OPTC: variants seen among roughly 807,000 people sequenced by gnomAD.
OPTC encodes opticin, also known as oculoglycan.
In OPTC, 22 loss-of-function variants were observed where a neutral mutation model predicts 25.4. That is an observed-to-expected ratio of 0.87 (90% CI 0.62 to 1.24). OPTC has a LOEUF of 1.24. OPTC is among the 50% of genes most tolerant of loss of function. The probability of loss-of-function intolerance (pLI) is 0.00; values close to 1 mark genes in which losing one functional copy is unlikely to be tolerated. For missense variants in OPTC, 417 were observed against 425.2 expected, an observed-to-expected ratio of 0.98 and a Z score of 0.17; for synonymous variants, 169 against 179.3, an observed-to-expected ratio of 0.94 and a Z score of 0.46.
At position 203,496,021 on chromosome 1, in the gene OPTC, T is replaced by C. The variant is rs1241483495; in HGVS notation, c.16T>C (p.Phe6Leu). The C allele has an allele frequency of 6.2e-7, 1 of 1,612,966 alleles. No individual in the cohort carries two copies. ...CTGACTCCCCATGAGGCTCCTGGCT[T>C]TCCTGAGTCTGCTGGCCTTGGTGCT... Reference protein sequence around the residue: MRLLAFLSLLALVLQE... With the variant: MRLLALLSLLALVLQE... The change falls in exon 2 of 8, where the codon TTC (phenylalanine) becomes CTC (leucine). Residue 6 changes from phenylalanine (F) to leucine (L), a missense_variant. Transcript: ENST00000367222.
Position 203,495,979 on chromosome 1 carries a change from G to A in OPTC, c.-27G>A, listed in dbSNP as rs1433465786. ...CCACTTGCCAGGACCAGCCGCTGAAGGGATTCTCAGTCCCATCTGACTCCC... is the reference window on the plus strand; with the variant it reads ...CCACTTGCCAGGACCAGCCGCTGAAAGGATTCTCAGTCCCATCTGACTCCC... On this transcript the variant is annotated 5_prime_UTR_variant, in exon 2 of 8. Transcript: ENST00000367222. 1 of 1,542,934 alleles carries A rather than the reference G, an allele frequency of 6.5e-7. No individual in the cohort carries two copies. Among genetic ancestry groups the A allele is most frequent in the Non-Finnish European group, 8.9e-7 (1 of 1,123,652 alleles).
intron 5 of OPTC, among the ~76,000 whole-genome samples, chr1:203,502,597 C>T (rs1661408301): frequency 6.6e-6 from 1 of 152,148 alleles, no homozygotes; most frequent in Non-Finnish European, 1.5e-5. Context: ...GTCCCCTGGT[C>T]CTCCCTTCTA....
chr1:203,505,054 G>A (rs577269469), intron 7 of OPTC, among the ~76,000 whole-genome samples: 64 of 152,304 alleles, frequency 4.2e-4, no homozygotes, highest in South Asian at 3.5e-3. Flanking sequence ...CTTTGGGCAA[G>A]GGGTATGTGA....
At chr1:203,503,115 G>A in intron 6 of OPTC, 106 bp downstream of exon 6, 1 of 852,900 alleles carries the variant, frequency 1.2e-6, no homozygotes, top group Admixed American at 2.0e-5. Context: ...AGGCAGCTGT[G>A]GGGTCTCCTT....
rs777660549 is a variant in OPTC at position 203,499,752 on chromosome 1, C to A, written c.633C>A (p.Asn211Lys). 2 of 1,612,978 alleles carry A rather than the reference C, an allele frequency of 1.2e-6. No individual in the cohort carries two copies. Among genetic ancestry groups the A allele is most frequent in the African/African-American group, 2.7e-5 (2 of 74,820 alleles). ...HALQDLILPE[N>K]QLEALPVLPS... ...TCCAGGACCTCATCCTCCCAGAGAACCAGTTGGAAGCTCTGCCCGTGCTGC... is the reference window on the plus strand; with the variant it reads ...TCCAGGACCTCATCCTCCCAGAGAAACAGTTGGAAGCTCTGCCCGTGCTGC... Residue 211 changes from asparagine (N) to lysine (K), a missense_variant, in exon 5 of 8, where the codon AAC becomes AAA. Transcript: ENST00000367222.
chr1:203,499,112 G>T (rs578060361), intron 4 of OPTC, among the ~76,000 whole-genome samples: 1 of 152,218 alleles, frequency 6.6e-6, no homozygotes, highest in African/African-American at 2.4e-5. Flanking sequence ...TCTTCAGGAT[G>T]TCCCAGCAGT....
intron 4 of OPTC, 42 bp downstream of exon 4, chr1:203,498,881 T>C (rs752218569): frequency 1.9e-6 from 3 of 1,607,616 alleles, no homozygotes; most frequent in Admixed American, 1.7e-5. Context: ...GGCAGGCATA[T>C]GCAGCCACCC....
At position 203,495,966 on chromosome 1, in the gene OPTC, A is replaced by T; in HGVS notation, c.-40A>T. On this transcript the variant is annotated splice_region_variant and 5_prime_UTR_variant, in exon 2 of 8. Coordinates refer to ENST00000367222, the MANE Select transcript of OPTC (RefSeq NM_014359.4). ...CCCTTCCTCGTGCCCACTTGCCAGGACCAGCCGCTGAAGGGATTCTCAGTC... is the reference window on the plus strand; with the variant it reads ...CCCTTCCTCGTGCCCACTTGCCAGGTCCAGCCGCTGAAGGGATTCTCAGTC... The T allele has an allele frequency of 1.4e-6, 2 of 1,461,220 alleles. No individual in the cohort carries two copies. Among genetic ancestry groups the T allele is most frequent in the Non-Finnish European group, 1.9e-6 (2 of 1,056,870 alleles). The allele number at this position is 1,461,220 out of a possible 1,614,324, so 90.5% of individuals were successfully genotyped here.
In OPTC at chr1:203,496,355, T is replaced by C. The variant is rs1571595547; in HGVS notation, c.231+119T>C. On this transcript the variant is annotated intron_variant, in intron 2 of 7. Coordinates refer to ENST00000367222, the MANE Select transcript of OPTC (RefSeq NM_014359.4). ...AGCCTCCACCTCTTTCTCTGTGAGG[T>C]GGAAATTCTTATCCCTCCATAGGGA... is the stretch of plus-strand genomic sequence containing the variant. 8.1e-6 allele frequency: 6 copies of C among 739,876 alleles called. No individual in the cohort carries two copies. The East Asian group carries it at 1.6e-4, about 20-fold the overall frequency. The allele number at this position is 739,876 out of a possible 1,614,324, so 45.8% of individuals were successfully genotyped here.
intron 7 of OPTC, among the ~76,000 whole-genome samples, chr1:203,507,188 G>T (rs1216453517): frequency 6.6e-6 from 1 of 152,190 alleles, no homozygotes. Context: ...TGTTTCTCAG[G>T]TACCTAAAGG....
chr1:203,506,528 C>G (rs1661491853), intron 7 of OPTC, among the ~76,000 whole-genome samples: 1 of 151,894 alleles, frequency 6.6e-6, no homozygotes, highest in South Asian at 2.1e-4. Context: ...GTACTGGAAG[C>G]CACATCATTC....
chr1:203,503,585 C>CTGCA lies in OPTC; in HGVS notation c.866_867insCATG (p.Asp290MetfsTer2). Reference sequence around the variant, plus strand: ...TAGAGACCATGCAGAGAGACGTCTTCTGTGACCCCGAGGAGCACAAACACA... The same window carrying CTGCA: ...TAGAGACCATGCAGAGAGACGTCTTCTGCATGTGACCCCGAGGAGCACAAACACA... On this transcript the variant is annotated frameshift_variant, in exon 7 of 8. Transcript: ENST00000367222. LOFTEE classifies it high-confidence loss of function. 1 of 1,613,736 alleles carries CTGCA rather than the reference C, an allele frequency of 6.2e-7. No homozygotes were observed. Among genetic ancestry groups the CTGCA allele is most frequent in the Non-Finnish European group, 8.5e-7 (1 of 1,180,030 alleles).
At chr1:203,496,881 C>A in intron 2 of OPTC, 96 bp from the exon 3 acceptor site, 1 of 1,313,106 alleles carries the variant, frequency 7.6e-7, no homozygotes, top group Non-Finnish European at 1.1e-6. Context: ...TGACTCTTTG[C>A]TGGTTTGAAA....
At position 203,503,023 on chromosome 1, in the gene OPTC, C is replaced by T; in HGVS notation, c.828+14C>T. The T allele has an allele frequency of 6.3e-7, 1 of 1,598,780 alleles. No individual in the cohort carries two copies. The highest frequency in any genetic ancestry group is 8.6e-7 in the Non-Finnish European group (1 of 1,166,598). ...GTACACCTGCAGGTAAGGAGCACCA[C>T]CCAGAGCAAGGGTGATAAACAGCGT... On this transcript the variant is annotated intron_variant, in intron 6 of 7. Transcript: ENST00000367222.
intron 6 of OPTC, among the ~76,000 whole-genome samples, chr1:203,503,261 C>T (rs1169568484): frequency 1.3e-5 from 2 of 152,160 alleles, no homozygotes; most frequent in African/African-American, 2.4e-5. Flanking sequence ...TCTCACCCAA[C>T]TGCTTTTCCT....
rs1661504142 is a variant in OPTC at position 203,507,097 on chromosome 1, AAG to A, written c.*26-1541_*26-1540del. On this transcript the variant is annotated intron_variant, in intron 7 of 7. Transcript: ENST00000367222. ...CCTCTGCACCAGGGAGGGAAGGAGG[AAG>A]AGAGAGATGGGGAGAGACAGAGAGA... Among the ~76,000 whole-genome samples the A allele has an allele frequency of 2.0e-5, 3 of 152,182 alleles. No homozygotes were observed. The East Asian group carries it at 5.8e-4, about 29-fold the overall frequency.
intron 7 of OPTC, among the ~76,000 whole-genome samples, chr1:203,506,926 C>T (rs370325967): frequency 4.8e-4 from 73 of 152,382 alleles, no homozygotes; most frequent in Middle Eastern, 3.4e-3. Flanking sequence ...CAGGCCATTG[C>T]TGCTCCGGGA....
intron 7 of OPTC, among the ~76,000 whole-genome samples, chr1:203,505,531 T>C (rs1661466806): frequency 6.6e-6 from 1 of 152,172 alleles, no homozygotes; most frequent in Non-Finnish European, 1.5e-5. Context: ...TCCCCCCACC[T>C]CACTGTGCAC....
chr1:203,495,895 G>A (rs759688541), intron 1 of OPTC, 70 bp from the exon 2 acceptor site: 19 of 753,022 alleles, frequency 2.5e-5, no homozygotes, highest in Admixed American at 4.0e-5. Flanking sequence ...GTAAATCTGC[G>A]AGCCATTCCC....
Sources: allele counts gnomAD v4.1 joint callset (sites outside exome capture counted in the v4.1 genomes callset), GRCh38; gene constraint gnomAD v4.1.1; transcripts MANE v1.5; gene names NCBI Gene and HGNC (gene_info 2026-07-23, HGNC 2026-07-21).